Variants in GRAMD1B observed in about 807,000 individuals in gnomAD.
The protein encoded by GRAMD1B is GRAM domain containing 1B, also known as protein Aster-B.
A neutral mutation model predicts 99.7 loss-of-function variants in GRAMD1B; 37 were observed. The observed-to-expected ratio is 0.37, with a 90% CI of 0.29 to 0.49. The LOEUF (loss-of-function observed/expected upper bound fraction) is 0.49, where lower values mean the gene tolerates loss of function less well. Among genes scored for constraint, GRAMD1B ranks in the 20% least tolerant of loss-of-function variants. The pLI, the probability that GRAMD1B is intolerant of heterozygous loss-of-function variation, is 0.98. For synonymous variants in GRAMD1B, 427 were observed against 387.6 expected (o/e 1.10, Z -1.19); for missense variants, 888 against 1,009.2 (o/e 0.88, Z 1.63).
At chr11:123,528,882 G>A (rs1175872811) in intron 2 of GRAMD1B, among the ~76,000 whole-genome samples, 1 of 152,162 alleles carries the variant, frequency 6.6e-6, no homozygotes, top group African/African-American at 2.4e-5. Flanking sequence ...AATGCAACTA[G>A]TTGGTGGGGA....
At chr11:123,372,367 C>T (rs1946557579) in intron 1 of GRAMD1B, among the ~76,000 whole-genome samples, 2 of 152,136 alleles carry the variant, frequency 1.3e-5, no homozygotes, top group South Asian at 2.1e-4. Flanking sequence ...TAAACTTCTA[C>T]AGATGAAGAA....
chr11:123,491,822 A>C (rs1051132716), intron 2 of GRAMD1B: 3 of 398,994 alleles, frequency 7.5e-6, no homozygotes, highest in Admixed American at 4.4e-5. Flanking sequence ...CCCAGCTGCC[A>C]TGTGGCCAGC....
At chr11:123,432,846 G>A (rs1040856889) in intron 1 of GRAMD1B, among the ~76,000 whole-genome samples, 2 of 152,170 alleles carry the variant, frequency 1.3e-5, no homozygotes, top group Non-Finnish European at 2.9e-5. Flanking sequence ...CCGTTATGCA[G>A]AAGATGGGCA....
At chr11:123,614,633 C>G in intron 16 of GRAMD1B, 112 bp from the exon 17 acceptor site, 1 of 631,234 alleles carries the variant, frequency 1.6e-6, no homozygotes. Flanking sequence ...GTCACAGTGT[C>G]ATGGACATTT....
At chr11:123,524,354 T>TTTTATTTTATTTTA (rs1942489300) in intron 2 of GRAMD1B, among the ~76,000 whole-genome samples, 1 of 151,766 alleles carries the variant, frequency 6.6e-6, no homozygotes, top group Non-Finnish European at 1.5e-5. Context: ...TTTTATTTTT[T>TTTTATTTTATTTTA]GTTTGAGACA....
chr11:123,582,260 G>A (rs1020325218), intron 3 of GRAMD1B, among the ~76,000 whole-genome samples: 2 of 152,210 alleles, frequency 1.3e-5, no homozygotes, highest in Non-Finnish European at 2.9e-5. Flanking sequence ...ATCCCTAGGC[G>A]CAGACGCCAG....
At chr11:123,512,750 T>C (rs1216238041) in intron 2 of GRAMD1B, among the ~76,000 whole-genome samples, 6 of 147,794 alleles carry the variant, frequency 4.1e-5, no homozygotes, top group Non-Finnish European at 8.9e-5. Flanking sequence ...CCAGACCCTT[T>C]GGAAATTTAC....
At chr11:123,445,060 T>C (rs1443268606) in intron 1 of GRAMD1B, among the ~76,000 whole-genome samples, 1 of 152,228 alleles carries the variant, frequency 6.6e-6, no homozygotes. Flanking sequence ...TTAGGAGTTC[T>C]GGGACAAGAA....
chr11:123,584,326 GTA>G lies in GRAMD1B; in HGVS notation c.681_682del (p.Tyr227Ter). 9.2e-7 allele frequency: 1 copy of G among 1,084,700 alleles called. No homozygotes were observed. The highest frequency in any genetic ancestry group is 1.2e-6 in the Non-Finnish European group (1 of 832,668). 67.2% of individuals were successfully genotyped at this position (1,084,700 alleles called of 1,614,324 possible). A position where few individuals can be genotyped will look rare whatever the true frequency, so the allele number is the denominator to read the frequency against. On this transcript the variant is annotated frameshift_variant, in exon 4 of 20. Transcript: ENST00000635736. LOFTEE classifies it high-confidence loss of function. ...TCTCTTTTCAGAAAAGCCAGAGTTGGTATAATGTAAGTATTCCTGTTTCCCTT... is the reference window on the plus strand; with the variant it reads ...TCTCTTTTCAGAAAAGCCAGAGTTGGTAATGTAAGTATTCCTGTTTCCCTT... The part of the protein sequence containing the change: ...GKNSKKSQSW[Y>X]NVLSPTYKQR...
At chr11:123,481,232 A>T (rs543879812) in intron 2 of GRAMD1B, among the ~76,000 whole-genome samples, 5 of 152,076 alleles carry the variant, frequency 3.3e-5, no homozygotes, top group Non-Finnish European at 5.9e-5. Context: ...AGGCGGGCGG[A>T]TCACTTGAGA....
At chr11:123,461,852 C>T (rs533943661) in intron 1 of GRAMD1B, among the ~76,000 whole-genome samples, 20 of 151,968 alleles carry the variant, frequency 1.3e-4, no homozygotes, top group Admixed American at 7.2e-4. Context: ...GCGATACCCC[C>T]GCCTCAGCCT....
At chr11:123,498,021 C>T (rs1357888224) in intron 2 of GRAMD1B, among the ~76,000 whole-genome samples, 2 of 152,304 alleles carry the variant, frequency 1.3e-5, no homozygotes, top group East Asian at 1.9e-4. Context: ...CCACCACCAC[C>T]GGCCAACAGG....
chr11:123,476,196 G>A (rs1264637914), intron 1 of GRAMD1B, among the ~76,000 whole-genome samples: 1 of 151,944 alleles, frequency 6.6e-6, no homozygotes, highest in Non-Finnish European at 1.5e-5. Flanking sequence ...CACCTCCCAG[G>A]TTCAAGTGAT....
intron 2 of GRAMD1B, among the ~76,000 whole-genome samples, chr11:123,575,868 T>A (rs1159428419): frequency 6.6e-6 from 1 of 152,136 alleles, no homozygotes; most frequent in African/African-American, 2.4e-5. Flanking sequence ...CCAATAACAA[T>A]TATTGTTAGT....
chr11:123,473,508 A>G (rs1951114999), intron 1 of GRAMD1B, among the ~76,000 whole-genome samples: 1 of 152,158 alleles, frequency 6.6e-6, no homozygotes, highest in Non-Finnish European at 1.5e-5. Flanking sequence ...CCCGGGCTCC[A>G]GAGATCCTCC....
chr11:123,543,949 C>A (rs1040094970), intron 2 of GRAMD1B, among the ~76,000 whole-genome samples: 2 of 152,154 alleles, frequency 1.3e-5, no homozygotes, highest in African/African-American at 4.8e-5. Flanking sequence ...TACTGTCCGG[C>A]CCTTTGCAGA....
chr11:123,407,725 C>T (rs1947903587), intron 1 of GRAMD1B, among the ~76,000 whole-genome samples: 1 of 152,198 alleles, frequency 6.6e-6, no homozygotes, highest in Non-Finnish European at 1.5e-5. Context: ...CAGGCTTAGG[C>T]TTATCTCTGT....
At chr11:123,368,679 C>CAAAAAAAAAAAAAAAAAAAAA (rs58877377) in intron 1 of GRAMD1B, among the ~76,000 whole-genome samples, 4 of 78,052 alleles carry the variant, frequency 5.1e-5, no homozygotes, top group Non-Finnish European at 8.7e-5. Context: ...GACTCTGTCT[C>CAAAAAAAAAAAAAAAAAAAAA]AAAAAAAAAA....
intron 1 of GRAMD1B, among the ~76,000 whole-genome samples, chr11:123,369,969 A>C (rs548785465): frequency 1.3e-4 from 20 of 152,130 alleles, no homozygotes; most frequent in Non-Finnish European, 1.6e-4. Context: ...AGCAAAGATG[A>C]GTTATGCTTT....
Sources: allele counts gnomAD v4.1 joint callset (sites outside exome capture counted in the v4.1 genomes callset), GRCh38; gene constraint gnomAD v4.1.1; transcripts MANE v1.5; gene names NCBI Gene and HGNC (gene_info 2026-07-23, HGNC 2026-07-21).